Variants in RECK observed in about 807,000 individuals in gnomAD.
The protein encoded by RECK is reversion-inducing cysteine-rich protein with Kazal motifs.
Under a neutral mutation model 115.1 loss-of-function variants are expected in RECK, and 69 were observed. The observed-to-expected ratio is 0.60, with a 90% confidence interval of 0.49 to 0.73. The LOEUF is 0.73. Ranked by LOEUF, RECK falls within the 30% of genes least tolerant of loss-of-function variation. RECK has a pLI of 0.00. For synonymous variants in RECK, 414 were observed against 419.7 expected, an observed-to-expected ratio of 0.99 and a Z score of 0.17; for missense variants, 1,047 against 1,203.7, an observed-to-expected ratio of 0.87 and a Z score of 1.93.
chr9:36,102,032 G>A (rs1474843398), intron 11 of RECK, 62 bp from the exon 12 acceptor site: 4 of 1,512,794 alleles, frequency 2.6e-6, no homozygotes, highest in Admixed American at 2.1e-5. Context: ...AACAAGTGAT[G>A]TTGACTGGAC....
In RECK at chr9:36,058,659, T is replaced by TAATA. The variant is rs542503883; in HGVS notation, c.160-145_160-142dup. Among the ~76,000 whole-genome samples, 598 of 144,728 alleles carry TAATA rather than the reference T, an allele frequency of 4.1e-3. 1 individual carries two copies. The highest frequency in any genetic ancestry group is 0.013 in the African/African-American group (506 of 39,122). The allele number at this position is 144,728 out of a possible 152,430, so 94.9% of individuals were successfully genotyped here. ...CTAAAACTTAAAGTATAATAATAAT[T>TAATA]AATAAATAAATAAATAAATAAATAA... On this transcript the variant is annotated intron_variant, in intron 2 of 20. Transcript: ENST00000377966.
chr9:36,088,525 AT>A (rs1823047931), intron 9 of RECK, among the ~76,000 whole-genome samples: 1 of 152,242 alleles, frequency 6.6e-6, no homozygotes, highest in Non-Finnish European at 1.5e-5. Context: ...CACAGGTACA[AT>A]AGAAATGTGC....
intron 1 of RECK, among the ~76,000 whole-genome samples, chr9:36,038,449 A>G (rs1174917708): frequency 6.6e-6 from 1 of 152,230 alleles, no homozygotes; most frequent in African/African-American, 2.4e-5. Flanking sequence ...CTGTTAAATT[A>G]AAAGAGATTG....
intron 12 of RECK, 23 bp from the exon 13 acceptor site, chr9:36,105,115 TTAAAC>T: frequency 1.9e-6 from 3 of 1,604,846 alleles, no homozygotes; most frequent in Non-Finnish European, 2.6e-6. Flanking sequence ...TTTAGGTTGG[TTAAAC>T]TAATCTGTTT....
intron 2 of RECK, among the ~76,000 whole-genome samples, chr9:36,054,197 A>T (rs1821425107): frequency 6.6e-6 from 1 of 152,170 alleles, no homozygotes; most frequent in South Asian, 2.1e-4. Context: ...TGCAGACAGG[A>T]TGGAGTCTTG....
At chr9:36,112,517 G>T in intron 16 of RECK, 41 bp downstream of exon 16, 1 of 1,587,326 alleles carries the variant, frequency 6.3e-7, no homozygotes, top group Non-Finnish European at 8.6e-7. Flanking sequence ...CTGAAGACTA[G>T]TACTTACAAA....
chr9:36,119,915 T>G (rs1048844357), intron 18 of RECK, among the ~76,000 whole-genome samples: 12 of 152,230 alleles, frequency 7.9e-5, no homozygotes, highest in African/African-American at 2.7e-4. Flanking sequence ...TTATGGGTTT[T>G]AGCAGTTTAA....
chr9:36,111,177 G>C (rs1419432304), intron 15 of RECK, among the ~76,000 whole-genome samples: 1 of 152,158 alleles, frequency 6.6e-6, no homozygotes, highest in Non-Finnish European at 1.5e-5. Context: ...GTGGCCCCTG[G>C]TGTCCTGGGA....
intron 10 of RECK, 109 bp downstream of exon 10, chr9:36,091,452 C>A (rs1823151772): frequency 1.1e-6 from 1 of 870,830 alleles, no homozygotes; most frequent in Middle Eastern, 3.6e-4. Context: ...AGAAAGTCTT[C>A]TTTATGATTT....
chr9:36,111,799 T>C (rs764149686), intron 15 of RECK, among the ~76,000 whole-genome samples: 13 of 151,816 alleles, frequency 8.6e-5, no homozygotes, highest in Non-Finnish European at 1.5e-4. Flanking sequence ...GGAGAAACAG[T>C]CTTTACTTTC....
At chr9:36,096,034 C>T (rs1458428721) in intron 10 of RECK, among the ~76,000 whole-genome samples, 1 of 147,624 alleles carries the variant, frequency 6.8e-6, no homozygotes, top group Non-Finnish European at 1.5e-5. Flanking sequence ...CATCATTGCA[C>T]TCCAGCCTGG....
intron 1 of RECK, among the ~76,000 whole-genome samples, chr9:36,049,814 C>CA (rs1413728010): frequency 6.6e-6 from 1 of 152,234 alleles, no homozygotes; most frequent in East Asian, 1.9e-4. Context: ...CTCTTGAACT[C>CA]ACTGCAGTCA....
At chr9:36,120,218 G>A (rs1418133412) in intron 18 of RECK, among the ~76,000 whole-genome samples, 3 of 150,868 alleles carry the variant, frequency 2.0e-5, no homozygotes, top group Non-Finnish European at 2.9e-5. Context: ...CTGGGCAACA[G>A]AGCGAGACTC....
rs1015918950 is a variant in RECK, at chr9:36,124,244, T to C, written c.*1199T>C. On this transcript the variant is annotated 3_prime_UTR_variant, in exon 21 of 21. Coordinates refer to ENST00000377966, the MANE Select transcript of RECK (RefSeq NM_021111.3). Reference sequence around the variant, plus strand: ...ACATGAACTTAGATTTTACATGAAGTATTTTTTCAGTATTATATGTACCCT... The same window carrying C: ...ACATGAACTTAGATTTTACATGAAGCATTTTTTCAGTATTATATGTACCCT... The C allele has an allele frequency of 6.5e-6, 1 of 152,678 alleles. No homozygotes were observed. Among genetic ancestry groups the C allele is most frequent in the Non-Finnish European group, 1.5e-5 (1 of 68,042 alleles). The allele number at this position is 152,678 out of a possible 1,614,324, so 9.5% of individuals were successfully genotyped here.
chr9:36,040,438 C>CA (rs1435116260), intron 1 of RECK, among the ~76,000 whole-genome samples: 4 of 152,120 alleles, frequency 2.6e-5, no homozygotes, highest in Non-Finnish European at 5.9e-5. Context: ...GCATAAGGAA[C>CA]AAAAGGTTAT....
intron 3 of RECK, 61 bp from the exon 4 acceptor site, chr9:36,060,054 AAATT>A: frequency 1.4e-6 from 2 of 1,458,200 alleles, no homozygotes; most frequent in Non-Finnish European, 1.9e-6. Context: ...ATTTCTGTAG[AAATT>A]AATTGTCATA....
At chr9:36,090,529 G>A (rs931886542) in intron 9 of RECK, among the ~76,000 whole-genome samples, 1 of 152,124 alleles carries the variant, frequency 6.6e-6, no homozygotes, top group Non-Finnish European at 1.5e-5. Flanking sequence ...TGAATATCAT[G>A]TGTGAGAGCA....
chr9:36,119,527 A>G (rs947937735), intron 18 of RECK, among the ~76,000 whole-genome samples: 6 of 152,238 alleles, frequency 3.9e-5, no homozygotes, highest in African/African-American at 9.6e-5. Context: ...TTAGTCAAAC[A>G]GAAGTAGCAG....
At chr9:36,074,505 G>C (rs1822371513) in intron 6 of RECK, among the ~76,000 whole-genome samples, 1 of 152,150 alleles carries the variant, frequency 6.6e-6, no homozygotes, top group South Asian at 2.1e-4. Flanking sequence ...GAGCCTGGAG[G>C]AAAAAACCCT....
Sources: allele counts gnomAD v4.1 joint callset (sites outside exome capture counted in the v4.1 genomes callset), GRCh38; gene constraint gnomAD v4.1.1; transcripts MANE v1.5; gene names NCBI Gene and HGNC (gene_info 2026-07-23, HGNC 2026-07-21).